CCDC73: variants seen among roughly 807,000 people sequenced by gnomAD.
CCDC73 encodes the protein coiled-coil domain-containing protein 73.
A neutral mutation model predicts 116.5 loss-of-function variants in CCDC73; 95 were observed. The observed-to-expected ratio is 0.82, with a 90% CI of 0.69 to 0.97. The LOEUF is 0.97. CCDC73 is among the 50% of genes least tolerant of loss of function. The pLI, the probability that CCDC73 is intolerant of heterozygous loss-of-function variation, is 0.00. For missense variants in CCDC73, 1,066 were observed against 1,206.8 expected (o/e 0.88, Z 1.73); for synonymous variants, 398 against 401.3 (o/e 0.99, Z 0.10).
rs375547016 is a variant in CCDC73 at position 32,613,774 on chromosome 11, T to C, written c.2544A>G (p.Ser848=). The C allele has an allele frequency of 1.2e-6, 2 of 1,613,820 alleles. No individual in the cohort carries two copies. Among genetic ancestry groups the C allele is most frequent in the African/African-American group, 1.3e-5 (1 of 74,940 alleles). The change falls in exon 16 of 18, where the codon TCA becomes TCG. Residue 848 remains serine (S), a synonymous_variant. Transcript: ENST00000335185. ...TTTTTCCTGAAACAATGTCATTTAA[T>C]GATTCTGTTTTCTCTGTATTATTTA... The part of the protein sequence containing the change: ...TLLNNTEKTE[S]LNDIVSGKMF...
At chr11:32,630,267 G>A (rs765164526) in intron 14 of CCDC73, among the ~76,000 whole-genome samples, 27 of 152,174 alleles carry the variant, frequency 1.8e-4, no homozygotes, top group Non-Finnish European at 2.9e-4. Flanking sequence ...CTAGAATAAG[G>A]ATTGGCAAAC....
At chr11:32,656,076 T>C (rs1257502997) in intron 9 of CCDC73, among the ~76,000 whole-genome samples, 2 of 123,916 alleles carry the variant, frequency 1.6e-5, no homozygotes, top group African/African-American at 3.2e-5. Context: ...TTTCTTTTCT[T>C]TTCTTTTCTT....
Position 32,718,121 on chromosome 11 carries a change from C to A in CCDC73, c.162G>T (p.Gln54His). ...GTGTCTCCACAATAATTTTACCAAT[C>A]TGCTCTTCATAATGAATTTCTGCTT... ...RREAEIHYEE[Q>H]IGKIIVETQE... is the part of the protein sequence containing the mutation. The change falls in exon 3 of 18, where the codon CAG becomes CAT. Residue 54 changes from glutamine to histidine, a missense_variant. Coordinates refer to ENST00000335185, the MANE Select transcript of CCDC73 (RefSeq NM_001008391.4). 6.2e-7 allele frequency: 1 copy of A among 1,607,302 alleles called. No homozygotes were observed. Among genetic ancestry groups the A allele is most frequent in the South Asian group, 1.1e-5 (1 of 90,038 alleles).
chr11:32,658,858 G>A (rs377461662), intron 9 of CCDC73, among the ~76,000 whole-genome samples: 18 of 152,214 alleles, frequency 1.2e-4, no homozygotes, highest in African/African-American at 4.3e-4. Context: ...ATTCTAGAGT[G>A]ACTAAGTGAA....
chr11:32,678,930 A>T (rs1856119042), intron 7 of CCDC73, among the ~76,000 whole-genome samples: 1 of 151,694 alleles, frequency 6.6e-6, no homozygotes. Flanking sequence ...ACAGACACAC[A>T]CACGAAGAAC....
At chr11:32,722,477 A>G (rs1454020751) in intron 2 of CCDC73, among the ~76,000 whole-genome samples, 1 of 152,182 alleles carries the variant, frequency 6.6e-6, no homozygotes, top group Non-Finnish European at 1.5e-5. Flanking sequence ...GGACCCTATG[A>G]CACATTTAGG....
intron 1 of CCDC73, among the ~76,000 whole-genome samples, chr11:32,780,818 G>A (rs1195344942): frequency 6.6e-6 from 1 of 152,200 alleles, no homozygotes; most frequent in Non-Finnish European, 1.5e-5. Context: ...GGCATAGAGA[G>A]ATTAAGTAAC....
intron 2 of CCDC73, among the ~76,000 whole-genome samples, chr11:32,725,723 A>AT (rs1451783329): frequency 6.6e-6 from 1 of 152,126 alleles, no homozygotes; most frequent in Non-Finnish European, 1.5e-5. Flanking sequence ...TCATCTCTAA[A>AT]TTTCTACAAT....
At chr11:32,619,977 T>A (rs34186520) in intron 14 of CCDC73, among the ~76,000 whole-genome samples, 12,838 of 151,948 alleles carry the variant, frequency 0.084, 626 homozygotes, top group South Asian at 0.12. Context: ...AAAATGCCGA[T>A]GAAAATCTCC....
At chr11:32,682,935 AT>A (rs1856161173) in intron 7 of CCDC73, 1 of 155,314 alleles carries the variant, frequency 6.4e-6, no homozygotes, top group African/African-American at 2.4e-5. Context: ...ATACATTTCA[AT>A]TTTTTCACAC....
intron 3 of CCDC73, among the ~76,000 whole-genome samples, chr11:32,715,496 A>ACG (rs963757233): frequency 8.5e-5 from 10 of 117,522 alleles, no homozygotes; most frequent in East Asian, 3.7e-4. Flanking sequence ...ACTGATACAC[A>ACG]CGCACACACA....
At chr11:32,703,578 T>C (rs573312283) in intron 3 of CCDC73, among the ~76,000 whole-genome samples, 2 of 152,180 alleles carry the variant, frequency 1.3e-5, no homozygotes, top group Admixed American at 6.5e-5. Context: ...ACAGTCCTAG[T>C]ATACAAGCAG....
At chr11:32,730,893 G>T (rs1022845265) in intron 2 of CCDC73, among the ~76,000 whole-genome samples, 9 of 152,194 alleles carry the variant, frequency 5.9e-5, no homozygotes, top group Admixed American at 4.6e-4. Context: ...GAGGTACCGG[G>T]TGCATCTCAC....
At chr11:32,665,146 T>C (rs1226274331) in intron 9 of CCDC73, among the ~76,000 whole-genome samples, 19 of 152,294 alleles carry the variant, frequency 1.2e-4, no homozygotes, top group African/African-American at 3.8e-4. Flanking sequence ...TGATTTGGGG[T>C]GGAGAGTTCT....
At chr11:32,794,302 C>T (rs1850703792) in intron 1 of CCDC73, 1 of 152,278 alleles carries the variant, frequency 6.6e-6, no homozygotes, top group Admixed American at 6.5e-5. Context: ...GGCACATGTA[C>T]AGAAGGCGCT....
intron 14 of CCDC73, among the ~76,000 whole-genome samples, chr11:32,624,564 A>T (rs1280108119): frequency 6.6e-6 from 1 of 152,178 alleles, no homozygotes; most frequent in Non-Finnish European, 1.5e-5. Flanking sequence ...AAAGATATCC[A>T]CTATTTAGTA....
the CCDC73 span, among the ~76,000 whole-genome samples, chr11:32,826,662 A>ACC: frequency 1.3e-4 from 7 of 55,016 alleles, no homozygotes; most frequent in African/African-American, 5.6e-4. Context: ...AAAAAAAACA[A>ACC]AAAAAAAAAC....
chr11:32,623,645 T>C (rs1195115551), intron 14 of CCDC73, among the ~76,000 whole-genome samples: 1 of 152,188 alleles, frequency 6.6e-6, no homozygotes, highest in Non-Finnish European at 1.5e-5. Flanking sequence ...TGAGCCACCA[T>C]GCCCAGCCCA....
At chr11:32,730,837 C>T (rs1850070168) in intron 2 of CCDC73, among the ~76,000 whole-genome samples, 1 of 152,216 alleles carries the variant, frequency 6.6e-6, no homozygotes, top group South Asian at 2.1e-4. Context: ...TCTACAGCTC[C>T]TAGCATGAGC....
Sources: gnomAD v4.1 joint callset for allele counts (sites outside exome capture counted in the v4.1 genomes callset) on GRCh38, gnomAD v4.1.1 for gene constraint, MANE v1.5 for transcripts, NCBI Gene and HGNC (gene_info 2026-07-23, HGNC 2026-07-21) for gene names.